TSPAN11: variants seen among roughly 807,000 people sequenced by gnomAD.
TSPAN11 encodes the protein tetraspanin 11, also known as tetraspanin-11.
Under a neutral mutation model 32.9 loss-of-function variants are expected in TSPAN11, and 29 were observed. That is an observed-to-expected ratio of 0.88 (90% confidence interval 0.66 to 1.20). The LOEUF is 1.20. TSPAN11 is among the 50% of genes most tolerant of loss of function. TSPAN11 has a pLI of 0.00. For missense variants in TSPAN11, 283 were observed against 329.1 expected (o/e 0.86, Z 1.08); for synonymous variants, 140 against 141.3 (o/e 0.99, Z 0.07).
At chr12:30,976,636 A>T (rs572598045) in intron 3 of TSPAN11, among the ~76,000 whole-genome samples, 2 of 152,172 alleles carry the variant, frequency 1.3e-5, no homozygotes, top group African/African-American at 4.8e-5. Flanking sequence ...CAGGGAGTGG[A>T]AAGTCCGTAG....
At chr12:31,012,645 C>T in the TSPAN11 span, 6 of 152,278 alleles carry the variant, frequency 3.9e-5, no homozygotes, top group East Asian at 7.7e-4. Flanking sequence ...GAACCTGCCT[C>T]GAATACTCAT....
chr12:30,973,735 C>T (rs1938901069), intron 3 of TSPAN11, among the ~76,000 whole-genome samples: 1 of 152,200 alleles, frequency 6.6e-6, no homozygotes, highest in Non-Finnish European at 1.5e-5. Context: ...ATTCTAACTA[C>T]ATGGAAATAT....
intron 2 of TSPAN11, among the ~76,000 whole-genome samples, chr12:30,963,132 T>C (rs1938646777): frequency 1.3e-5 from 2 of 152,150 alleles, no homozygotes; most frequent in Non-Finnish European, 2.9e-5. Context: ...AAGTTTCTCC[T>C]CCTGCAGTCC....
the TSPAN11 span, among the ~76,000 whole-genome samples, chr12:31,002,552 G>A: frequency 6.6e-6 from 1 of 152,050 alleles, no homozygotes; most frequent in East Asian, 1.9e-4. This position sits in a 1 kb window ranked among gnomAD's most constrained non-coding sequence, Gnocchi z 4.8. Flanking sequence ...CTCAGACCCC[G>A]CCTCCTCAGA....
chr12:30,991,180 T>G (rs979345171), intron 7 of TSPAN11, among the ~76,000 whole-genome samples: 7 of 152,192 alleles, frequency 4.6e-5, no homozygotes, highest in African/African-American at 1.7e-4. Context: ...ACAGGACGCC[T>G]GGGGCCTGAG....
chr12:30,929,997 G>C (rs1030351394), intron 1 of TSPAN11, among the ~76,000 whole-genome samples: 13 of 152,310 alleles, frequency 8.5e-5, no homozygotes, highest in Admixed American at 2.0e-4. Flanking sequence ...TGTTCTGTTT[G>C]GTTGGTTTAG....
chr12:30,961,205 GCTGA>G (rs759834754), intron 2 of TSPAN11, among the ~76,000 whole-genome samples: 8 of 151,780 alleles, frequency 5.3e-5, no homozygotes, highest in Non-Finnish European at 1.2e-4. Context: ...GCTGCTTTCT[GCTGA>G]CTTAGGCAGT....
At chr12:31,008,224 C>T in the TSPAN11 span, among the ~76,000 whole-genome samples, 5 of 152,028 alleles carry the variant, frequency 3.3e-5, no homozygotes, top group Admixed American at 6.5e-5. Flanking sequence ...AGAAATCTAC[C>T]AAGAACAAGT....
chr12:30,965,711 C>T (rs1169845294), intron 3 of TSPAN11, among the ~76,000 whole-genome samples: 2 of 152,204 alleles, frequency 1.3e-5, no homozygotes, highest in Admixed American at 6.5e-5. Flanking sequence ...ACTCAGTCCT[C>T]GCCCTGCCCC....
At chr12:30,941,240 G>A (rs1302963392) in intron 1 of TSPAN11, among the ~76,000 whole-genome samples, 4 of 152,224 alleles carry the variant, frequency 2.6e-5, no homozygotes, top group Admixed American at 1.3e-4. Flanking sequence ...GGTTCTGCGG[G>A]ACCGACTGCC....
intron 1 of TSPAN11, among the ~76,000 whole-genome samples, chr12:30,938,403 C>T (rs1211965873): frequency 6.6e-6 from 1 of 152,184 alleles, no homozygotes; most frequent in Non-Finnish European, 1.5e-5. Context: ...CAATAAACAT[C>T]AGGATTTCCC....
intron 3 of TSPAN11, among the ~76,000 whole-genome samples, chr12:30,973,119 C>T (rs1331871897): frequency 2.6e-5 from 4 of 152,180 alleles, no homozygotes; most frequent in Non-Finnish European, 5.9e-5. Context: ...GGGACAGTAC[C>T]ATGCAGCAGG....
At chr12:30,942,602 C>T (rs998030323) in intron 1 of TSPAN11, among the ~76,000 whole-genome samples, 4 of 152,058 alleles carry the variant, frequency 2.6e-5, no homozygotes, top group African/African-American at 9.7e-5. Flanking sequence ...AGGTAGCAAA[C>T]CATCCAGGGA....
intron 3 of TSPAN11, among the ~76,000 whole-genome samples, chr12:30,964,445 C>CCTCTTCCTCTTT (rs1273093579): frequency 6.6e-6 from 1 of 151,984 alleles, no homozygotes; most frequent in African/African-American, 2.4e-5. Flanking sequence ...TCCTCCTCTT[C>CCTCTTCCTCTTT]CTCTTCCTCT....
intron 7 of TSPAN11, among the ~76,000 whole-genome samples, chr12:30,984,104 G>C (rs755071260): frequency 4.6e-5 from 7 of 152,230 alleles, no homozygotes; most frequent in Non-Finnish European, 1.0e-4. Context: ...GGCCCCTGCA[G>C]TCCCCAGCTC....
chr12:30,941,407 T>C (rs1938161228), intron 1 of TSPAN11, among the ~76,000 whole-genome samples: 1 of 152,188 alleles, frequency 6.6e-6, no homozygotes, highest in South Asian at 2.1e-4. Flanking sequence ...ACACAGAGCC[T>C]TGGGCGATGC....
the TSPAN11 span, among the ~76,000 whole-genome samples, chr12:31,013,166 A>T: frequency 2.0e-5 from 3 of 152,228 alleles, no homozygotes; most frequent in Non-Finnish European, 4.4e-5. Flanking sequence ...AATAGCCACA[A>T]AAACAATTAA....
rs552290852 is a variant in TSPAN11, at chr12:30,992,197, G to A, written c.*282G>A. On this transcript the variant is annotated 3_prime_UTR_variant, in exon 8 of 8. Transcript: ENST00000546076. ...AACCAGAGCCCCTCACCAGGAACGG[G>A]GGCACCCGTGGACTACGGGAGGGTG... The A allele has an allele frequency of 8.6e-4, 447 of 521,920 alleles. 4 individuals are homozygous for A. The highest frequency in any genetic ancestry group is 6.5e-3 in the South Asian group (277 of 42,346). The allele number at this position is 521,920 out of a possible 1,614,324, so 32.3% of individuals were successfully genotyped here.
At chr12:30,961,839 T>C (rs1468382710) in intron 2 of TSPAN11, among the ~76,000 whole-genome samples, 2 of 152,048 alleles carry the variant, frequency 1.3e-5, no homozygotes, top group Non-Finnish European at 2.9e-5. Context: ...CTTCCAGGCA[T>C]GCTGAAGGGG....
Sources: allele counts gnomAD v4.1 joint callset (sites outside exome capture counted in the v4.1 genomes callset), GRCh38; gene constraint gnomAD v4.1.1; non-coding constraint Gnocchi (gnomAD v3.1); transcripts MANE v1.5; gene names NCBI Gene and HGNC (gene_info 2026-07-23, HGNC 2026-07-21).